The following PFKFB3 variants were observed in gnomAD, a reference collection of about 807,000 sequenced individuals.
PFKFB3 encodes 6-phosphofructo-2-kinase/fructose-2,6-biphosphatase 3.
Under a neutral mutation model 68.0 loss-of-function variants are expected in PFKFB3, and 33 were observed. That is an observed-to-expected ratio of 0.49 (90% CI 0.37 to 0.65). The LOEUF is 0.65. PFKFB3 is among the 30% of genes least tolerant of loss of function. The pLI, the probability that PFKFB3 is intolerant of heterozygous loss-of-function variation, is 0.00. For missense variants in PFKFB3, 586 were observed against 712.2 expected (o/e 0.82, Z 2.02); for synonymous variants, 315 against 288.2 (o/e 1.09, Z -0.94).
chr10:6,233,209 CTCG>C lies in PFKFB3; in HGVS notation c.*268_*270del. The C allele has an allele frequency of 2.2e-6, 1 of 464,886 alleles. No homozygotes were observed. Among genetic ancestry groups the C allele is most frequent in the Non-Finnish European group, 3.9e-6 (1 of 256,704 alleles). 28.8% of individuals were successfully genotyped at this position (464,886 alleles called of 1,614,324 possible). A position where few individuals can be genotyped will look rare whatever the true frequency, so the allele number is the denominator to read the frequency against. ...TCTGGGTTTCCTAGGAATGTCCAGC[CTCG>C]GAGACCTTCACAAAGCCTTGGGAGG... On this transcript the variant is annotated 3_prime_UTR_variant, in exon 15 of 15. Transcript: ENST00000379775.
intron 5 of PFKFB3, 23 bp from the exon 6 acceptor site, chr10:6,217,112 C>T (rs2131958120): frequency 6.2e-7 from 1 of 1,612,702 alleles, no homozygotes; most frequent in Non-Finnish European, 8.5e-7. Context: ...TGTTTTCTAA[C>T]ATCCCCACCT....
chr10:6,154,785 C>T lies in PFKFB3; in HGVS notation c.16+9772C>T, dbSNP rs1001015586. Among the ~76,000 whole-genome samples, 6 of 152,148 alleles carry T rather than the reference C, an allele frequency of 3.9e-5. No individual in the cohort carries two copies. Among genetic ancestry groups the T allele is most frequent in the Non-Finnish European group, 5.9e-5 (4 of 68,010 alleles). On this transcript the variant is annotated intron_variant, in intron 1 of 14. Transcript: ENST00000379789. This position sits in a 1 kb window ranked among gnomAD's most constrained non-coding sequence, Gnocchi z 4.6. ...AGAGAGAGTGAATCATGGGTAGCTC[C>T]CCCAGCTGCCTTCTGTCTGATCTGG...
chr10:6,262,359 C>T, the PFKFB3 span, among the ~76,000 whole-genome samples: 3 of 76,488 alleles, frequency 3.9e-5, no homozygotes, highest in East Asian at 7.4e-4. Context: ...GAGGCTGAGG[C>T]AGGAGAATGG....
intron 14 of PFKFB3, among the ~76,000 whole-genome samples, chr10:6,231,098 C>G (rs1845710350): frequency 6.6e-6 from 1 of 152,110 alleles, no homozygotes; most frequent in Non-Finnish European, 1.5e-5. Flanking sequence ...GGGGTGCCTT[C>G]CTGGGGGCTG....
chr10:6,252,946 T>A (rs1172198027), intron 14 of PFKFB3, among the ~76,000 whole-genome samples: 2 of 152,136 alleles, frequency 1.3e-5, no homozygotes, highest in East Asian at 3.8e-4. Flanking sequence ...TGAGACAGAG[T>A]CTCGTTCTGT....
At chr10:6,227,033 C>G (rs1368472028) in intron 14 of PFKFB3, among the ~76,000 whole-genome samples, 1 of 151,962 alleles carries the variant, frequency 6.6e-6, no homozygotes, top group Admixed American at 6.6e-5. Context: ...TTGCAGTGAG[C>G]CGAGATGGTG....
intron 1 of PFKFB3, chr10:6,163,856 C>T (rs1460857982): frequency 1.3e-5 from 2 of 152,090 alleles, no homozygotes; most frequent in Non-Finnish European, 2.9e-5. Flanking sequence ...CCCCAGCCTG[C>T]TCTGCGGCGA....
intron 1 of PFKFB3, among the ~76,000 whole-genome samples, chr10:6,149,047 C>G (rs552031403): frequency 6.6e-6 from 1 of 152,260 alleles, no homozygotes; most frequent in East Asian, 1.9e-4. Flanking sequence ...CCACTGCACT[C>G]CAGCCTGAGT....
chr10:6,190,733 A>G (rs1843000765), intron 1 of PFKFB3, among the ~76,000 whole-genome samples: 4 of 152,144 alleles, frequency 2.6e-5, no homozygotes, highest in Admixed American at 1.3e-4. Flanking sequence ...TATCCACATC[A>G]TCTTCCCATT....
chr10:6,155,272 G>A (rs1389030082), intron 1 of PFKFB3, among the ~76,000 whole-genome samples: 1 of 143,566 alleles, frequency 7.0e-6, no homozygotes, highest in Non-Finnish European at 1.5e-5. Flanking sequence ...GCGCGATCTC[G>A]GCTCACTGCA....
chr10:6,239,522 G>A (rs890083278), downstream of PFKFB3, among the ~76,000 whole-genome samples: 1 of 152,158 alleles, frequency 6.6e-6, no homozygotes, highest in African/African-American at 2.4e-5. Flanking sequence ...GTGTCCAGAC[G>A]AACAACAGAT....
At chr10:6,213,812 C>G in intron 2 of PFKFB3, 64 bp downstream of exon 2, 1 of 1,570,424 alleles carries the variant, frequency 6.4e-7, no homozygotes. Flanking sequence ...ATCTCAGTTG[C>G]TGGTTTCACA....
chr10:6,189,970 G>C, intron 1 of PFKFB3, among the ~76,000 whole-genome samples: 1 of 152,102 alleles, frequency 6.6e-6, no homozygotes, highest in East Asian at 1.9e-4. Context: ...TTGAGATGGA[G>C]TCTCGCTTTG....
chr10:6,187,556 G>A (rs1019459870), intron 1 of PFKFB3, among the ~76,000 whole-genome samples: 3 of 152,170 alleles, frequency 2.0e-5, no homozygotes, highest in African/African-American at 4.8e-5. Flanking sequence ...CTCATTTCAC[G>A]TTGGGCAGGT....
At chr10:6,317,857 C>T in the PFKFB3 span, among the ~76,000 whole-genome samples, 5 of 152,250 alleles carry the variant, frequency 3.3e-5, no homozygotes, top group Middle Eastern at 3.4e-3. Flanking sequence ...AGACAGAAGA[C>T]GCAATTGTGC....
Position 6,232,964 on chromosome 10 carries a change from C to G in PFKFB3, c.*22C>G. ...CTGAGGCAGACGTGTCGGTTCCATTCCATTTCCATTTCTGCAGCTTAGCTT... is the reference window on the plus strand; with the variant it reads ...CTGAGGCAGACGTGTCGGTTCCATTGCATTTCCATTTCTGCAGCTTAGCTT... On this transcript the variant is annotated 3_prime_UTR_variant, in exon 15 of 15. Transcript: ENST00000379775. 1.3e-6 allele frequency: 2 copies of G among 1,592,574 alleles called. No homozygotes were observed. The highest frequency in any genetic ancestry group is 2.2e-5 in the East Asian group (1 of 44,794).
chr10:6,196,477 C>T (rs1364522019), intron 1 of PFKFB3, among the ~76,000 whole-genome samples: 3 of 152,110 alleles, frequency 2.0e-5, no homozygotes, highest in African/African-American at 7.2e-5. Flanking sequence ...CAGTCCAGGT[C>T]CCAAAACCTC....
In PFKFB3 at chr10:6,228,058, G is replaced by T. The variant is rs901552381; in HGVS notation, c.1515+1693G>T. The T allele has an allele frequency of 2.4e-6, 2 of 844,956 alleles. No individual in the cohort carries two copies. The highest frequency in any genetic ancestry group is 2.0e-6 in the Non-Finnish European group (1 of 505,358). The allele number at this position is 844,956 out of a possible 1,614,324, so 52.3% of individuals were successfully genotyped here. On this transcript the variant is annotated intron_variant, in intron 14 of 14. Coordinates refer to ENST00000379775, the MANE Select transcript of PFKFB3 (RefSeq NM_004566.4). This position sits in a 1 kb window ranked among gnomAD's most constrained non-coding sequence, Gnocchi z 4.5. ...TCAGAGCTGCCCCTGGCGTTGGGAG[G>T]ACAGTCCTTCAGGGTGGCCAGGTTC...
rs1259894356 is a variant in PFKFB3, at chr10:6,235,453, A to G, written c.*2511A>G. 1 of 152,364 alleles carries G rather than the reference A, an allele frequency of 6.6e-6. No individual in the cohort carries two copies. The highest frequency in any genetic ancestry group is 1.5e-5 in the Non-Finnish European group (1 of 68,038). 9.4% of individuals were successfully genotyped at this position (152,364 alleles called of 1,614,324 possible). ...ATGACCTGGGATATAAAGCTATGCT[A>G]GCTTTCAAACAGGAGATGCCTTTCA... On this transcript the variant is annotated 3_prime_UTR_variant, in exon 15 of 15. Coordinates refer to ENST00000379775, the MANE Select transcript of PFKFB3 (RefSeq NM_004566.4).
Sources: gnomAD v4.1 joint callset for allele counts (sites outside exome capture counted in the v4.1 genomes callset) on GRCh38, gnomAD v4.1.1 for gene constraint, Gnocchi (gnomAD v3.1) non-coding constraint, MANE v1.5 for transcripts, NCBI Gene and HGNC (gene_info 2026-07-23, HGNC 2026-07-21) for gene names.